Variants in ITPR1 observed in about 807,000 individuals in gnomAD.
ITPR1 encodes the protein inositol 1,4,5-trisphosphate-gated calcium channel ITPR1.
A neutral mutation model predicts 318.4 loss-of-function variants in ITPR1; 96 were observed. The observed-to-expected ratio is 0.30, with a 90% CI of 0.26 to 0.36. ITPR1 has a LOEUF of 0.36. Ranked by LOEUF, ITPR1 falls within the 10% of genes least tolerant of loss-of-function variation. ITPR1 has a pLI of 1.00. For synonymous variants in ITPR1, 1,312 were observed against 1,289.9 expected, an observed-to-expected ratio of 1.02 and a Z score of -0.37; for missense variants, 2,440 against 3,460.2, an observed-to-expected ratio of 0.71 and a Z score of 7.40.
chr3:4,650,326 T>G (rs1334425537), intron 10 of ITPR1, among the ~76,000 whole-genome samples: 1 of 152,210 alleles, frequency 6.6e-6, no homozygotes, highest in Non-Finnish European at 1.5e-5. Flanking sequence ...GGCTGCACCA[T>G]TTTTTATTCT....
chr3:4,794,110 C>G (rs374475596), intron 52 of ITPR1, among the ~76,000 whole-genome samples: 10 of 152,196 alleles, frequency 6.6e-5, no homozygotes, highest in East Asian at 5.8e-4. Flanking sequence ...ATGAGACTGT[C>G]TTTTGGAAAC....
chr3:4,516,338 G>A (rs2082169588), intron 2 of ITPR1, 138 bp from the exon 3 acceptor site: 2 of 529,122 alleles, frequency 3.8e-6, no homozygotes, highest in Admixed American at 8.1e-5. Context: ...TGAATCGCCT[G>A]CCTGTCAAAC....
intron 47 of ITPR1, among the ~76,000 whole-genome samples, chr3:4,776,052 T>C (rs1401822185): frequency 1.3e-5 from 2 of 152,198 alleles, no homozygotes; most frequent in African/African-American, 4.8e-5. Flanking sequence ...TGTGAGTTTT[T>C]GCATTGTGCT....
intron 4 of ITPR1, among the ~76,000 whole-genome samples, chr3:4,619,080 G>A (rs1575747037): frequency 6.6e-6 from 1 of 152,296 alleles, no homozygotes; most frequent in East Asian, 1.9e-4. Flanking sequence ...GTGTTTTTAA[G>A]ATACTGCTGT....
At position 4,777,294 on chromosome 3, in the gene ITPR1, A is replaced by G. The variant is rs367644690; in HGVS notation, c.6211A>G (p.Ile2071Val). 103 of 1,606,406 alleles carry G rather than the reference A, an allele frequency of 6.4e-5. No homozygotes were observed. The highest frequency in any genetic ancestry group is 7.1e-5 in the Non-Finnish European group (83 of 1,176,206). Residue 2071 changes from isoleucine to valine, a missense_variant, in exon 48 of 62, where the codon ATT (isoleucine) becomes GTT (valine). Around this residue, in one of 23 missense-constraint regions of ITPR1, gnomAD observed 76 missense variants for 162.1 expected, o/e 0.47. Coordinates refer to ENST00000649015, the MANE Select transcript of ITPR1 (RefSeq NM_001378452.1). ...CATAGCCACCCATGAATCCAATGGC[A>G]TTGACATCATCACAGCCCTGATCCT... is the stretch of plus-strand genomic sequence containing the variant. ...NCIATHESNG[I>V]DIITALILND... is the part of the protein sequence containing the mutation.
chr3:4,512,681 A>G (rs2081922964), intron 2 of ITPR1, among the ~76,000 whole-genome samples: 1 of 152,192 alleles, frequency 6.6e-6, no homozygotes, highest in African/African-American at 2.4e-5. Context: ...AAAAATAAAA[A>G]TAACTAGCAT....
chr3:4,560,646 AG>A (rs2086582597), intron 4 of ITPR1, among the ~76,000 whole-genome samples: 1 of 152,212 alleles, frequency 6.6e-6, no homozygotes, highest in African/African-American at 2.4e-5. Flanking sequence ...TCAAGGAGAA[AG>A]AAAAAAATGT....
At chr3:4,728,840 C>A (rs1179694905) in intron 42 of ITPR1, among the ~76,000 whole-genome samples, 1 of 152,146 alleles carries the variant, frequency 6.6e-6, no homozygotes, top group Non-Finnish European at 1.5e-5. Flanking sequence ...ATCCCAAATC[C>A]CTTTTGTTTT....
chr3:4,618,064 G>A (rs1329417670), intron 4 of ITPR1, among the ~76,000 whole-genome samples: 1 of 152,090 alleles, frequency 6.6e-6, no homozygotes, highest in Non-Finnish European at 1.5e-5. Context: ...GAGGAGGTGG[G>A]GGGTAATTAA....
At chr3:4,721,172 GTATATATATATATATATA>G (rs5846332) in intron 40 of ITPR1, among the ~76,000 whole-genome samples, 2 of 125,080 alleles carry the variant, frequency 1.6e-5, no homozygotes, top group African/African-American at 3.6e-5. Flanking sequence ...GTGTGTGCGT[GTATATATATATATATATA>G]TATATATATA....
At chr3:4,500,216 T>G (rs1327834846) in intron 2 of ITPR1, among the ~76,000 whole-genome samples, 1 of 152,226 alleles carries the variant, frequency 6.6e-6, no homozygotes, top group Non-Finnish European at 1.5e-5. Context: ...TTTTGTTTTT[T>G]TGAGACAGAG....
chr3:4,762,201 A>G (rs1392996953), intron 44 of ITPR1, among the ~76,000 whole-genome samples: 1 of 152,152 alleles, frequency 6.6e-6, no homozygotes, highest in Non-Finnish European at 1.5e-5. Context: ...CAGAAGTCTC[A>G]CTATGTTGCC....
intron 4 of ITPR1, among the ~76,000 whole-genome samples, chr3:4,542,832 A>G (rs2084595072): frequency 6.6e-6 from 1 of 152,184 alleles, no homozygotes; most frequent in Admixed American, 6.5e-5. Context: ...TCGCTTTAGA[A>G]AGGACATACC....
At chr3:4,533,834 G>A (rs1268461679) in intron 4 of ITPR1, among the ~76,000 whole-genome samples, 3 of 152,156 alleles carry the variant, frequency 2.0e-5, no homozygotes, top group Non-Finnish European at 4.4e-5. Flanking sequence ...CTGACGGGTC[G>A]TTTGCTCGAG....
intron 4 of ITPR1, among the ~76,000 whole-genome samples, chr3:4,569,787 A>G (rs191897788): frequency 2.0e-5 from 3 of 152,344 alleles, no homozygotes; most frequent in South Asian, 2.1e-4. Flanking sequence ...ATCAGTCCTT[A>G]ACCTTAAACT....
intron 37 of ITPR1, among the ~76,000 whole-genome samples, chr3:4,708,411 A>C (rs2094803216): frequency 6.6e-6 from 1 of 152,126 alleles, no homozygotes; most frequent in Admixed American, 6.5e-5. Flanking sequence ...GAAGCTGGGG[A>C]GGCTGGCGGG....
In ITPR1 at chr3:4,559,902, G is replaced by A. The variant is rs117059959; in HGVS notation, c.163+38808G>A. On this transcript the variant is annotated intron_variant, in intron 4 of 61. Coordinates refer to ENST00000649015, the MANE Select transcript of ITPR1 (RefSeq NM_001378452.1). ...TGTATAGGGCCTCCCAATTTGACAT[G>A]CTAGTCTCCCCTCCTAAGAGGCGGC... Among the ~76,000 whole-genome samples the A allele has an allele frequency of 5.6e-3, 845 of 152,214 alleles. 29 individuals are homozygous for A. The East Asian group carries it at 0.084, about 15-fold the overall frequency.
rs756669707 is a variant in ITPR1 at position 4,683,811 on chromosome 3, C to G, written c.3498+13C>G. The G allele has an allele frequency of 2.2e-5, 36 of 1,609,806 alleles. No individual in the cohort carries two copies. Among genetic ancestry groups the G allele is most frequent in the African/African-American group, 5.3e-5 (4 of 74,782 alleles). On this transcript the variant is annotated intron_variant, in intron 28 of 61. Transcript: ENST00000649015. ...TAAGAAAACGGAGGTGAGTGAAACACAAGTTATGCTGCCAAAGTGGATGGA... is the reference window on the plus strand; with the variant it reads ...TAAGAAAACGGAGGTGAGTGAAACAGAAGTTATGCTGCCAAAGTGGATGGA...
chr3:4,812,925 T>C (rs919444251), intron 56 of ITPR1: 9 of 569,472 alleles, frequency 1.6e-5, no homozygotes, highest in Non-Finnish European at 2.5e-5. Context: ...AAGTGCGATA[T>C]TTCTAGTAAG....
Sources: allele counts gnomAD v4.1 joint callset (sites outside exome capture counted in the v4.1 genomes callset), GRCh38; gene constraint gnomAD v4.1.1; regional missense constraint gnomAD v4.1.1; transcripts MANE v1.5; gene names NCBI Gene and HGNC (gene_info 2026-07-23, HGNC 2026-07-21).